TRIM39: variants seen among roughly 807,000 people sequenced by gnomAD.
The protein encoded by TRIM39 is E3 ubiquitin-protein ligase TRIM39.
In TRIM39, 5 loss-of-function variants were observed where a neutral mutation model predicts 53.6. That is an observed-to-expected ratio of 0.09 (90% confidence interval 0.05 to 0.20). The LOEUF (loss-of-function observed/expected upper bound fraction) is 0.20, where lower values mean the gene tolerates loss of function less well. TRIM39 is among the 10% of genes least tolerant of loss of function. The probability of loss-of-function intolerance (pLI) is 1.00; values close to 1 mark genes in which losing one functional copy is unlikely to be tolerated. For missense variants in TRIM39, 310 were observed against 621.0 expected, an observed-to-expected ratio of 0.50 and a Z score of 5.32; for synonymous variants, 196 against 237.6, an observed-to-expected ratio of 0.82 and a Z score of 1.61.
intron 4 of TRIM39, among the ~76,000 whole-genome samples, chr6:30,331,286 A>AAC (rs28383819): frequency 0.017 from 361 of 21,476 alleles, 1 homozygote; most frequent in East Asian, 0.11. Flanking sequence ...CAAAAAAAAC[A>AAC]AACAAAAAAA....
exon 3 of TRIM39, chr6:30,329,735 G>A (rs376721046): frequency 3.4e-5 from 55 of 1,612,904 alleles, no homozygotes; most frequent in South Asian, 4.4e-5. Flanking sequence ...GGCCCACACC[G>A]TTGTGCCACT....
Position 30,337,190 on chromosome 6 carries a change from G to T in TRIM39, c.780+1215G>T, listed in dbSNP as rs753701133. Among the ~76,000 whole-genome samples the T allele has an allele frequency of 1.0e-3, 157 of 152,142 alleles. 3 individuals are homozygous for T. Among genetic ancestry groups the T allele is most frequent in the Admixed American group, 1.2e-3 (19 of 15,272 alleles). On this transcript the variant is annotated intron_variant, in intron 5 of 7. Coordinates refer to ENST00000396551, the Ensembl canonical transcript of TRIM39. ...GGCCAAGGCAGGTGGATCACCTGAG[G>T]TCAGGAGTTTGAGACCAGCCTGGCC...
At position 30,339,624 on chromosome 6, in the gene TRIM39, A is replaced by G. The variant is rs1254067002; in HGVS notation, c.781-284A>G. Among the ~76,000 whole-genome samples, 2 of 152,234 alleles carry G rather than the reference A, an allele frequency of 1.3e-5. No homozygotes were observed. The highest frequency in any genetic ancestry group is 2.9e-5 in the Non-Finnish European group (2 of 68,040). Reference sequence around the variant, plus strand: ...AGAATTGATACAATCCCTGTCCCTTATAGGGAGCTCCCAGCATCCTTGAGG... The same window carrying G: ...AGAATTGATACAATCCCTGTCCCTTGTAGGGAGCTCCCAGCATCCTTGAGG... On this transcript the variant is annotated intron_variant, in intron 5 of 7. Transcript: ENST00000396551. The surrounding 1 kb of genome is among the most constrained non-coding windows in gnomAD (Gnocchi z 4.2).
At chr6:30,333,158 A>G (rs1786402207) in intron 4 of TRIM39, among the ~76,000 whole-genome samples, 1 of 152,138 alleles carries the variant, frequency 6.6e-6, no homozygotes. Flanking sequence ...GAAATACCAT[A>G]AGTAGCTTAG....
At chr6:30,337,358 T>G (rs1298328800) in intron 5 of TRIM39, among the ~76,000 whole-genome samples, 1 of 152,036 alleles carries the variant, frequency 6.6e-6, no homozygotes, top group African/African-American at 2.4e-5. Flanking sequence ...TGAGCCAAGA[T>G]CATGCAGTTG....
chr6:30,339,853 TTCAGGACCA>T lies in TRIM39; in HGVS notation c.781-54_781-46del. Reference sequence around the variant, plus strand: ...TGGGGAGGAGGGGGAACCTTTTGCCTTCAGGACCACTGAATACCAGGACCAATATTGCTT... The same window carrying T: ...TGGGGAGGAGGGGGAACCTTTTGCCTCTGAATACCAGGACCAATATTGCTT... On this transcript the variant is annotated intron_variant, in intron 5 of 7. Coordinates refer to ENST00000396551, the Ensembl canonical transcript of TRIM39. The surrounding 1 kb of genome is among the most constrained non-coding windows in gnomAD (Gnocchi z 4.2). The T allele has an allele frequency of 5.0e-6, 8 of 1,612,966 alleles. No homozygotes were observed. Among genetic ancestry groups the T allele is most frequent in the Non-Finnish European group, 6.8e-6 (8 of 1,179,314 alleles).
chr6:30,340,392 G>A (rs768602039), intron 6 of TRIM39, 113 bp from the exon 7 acceptor site: 1 of 1,610,350 alleles, frequency 6.2e-7, no homozygotes, highest in Non-Finnish European at 8.5e-7. Flanking sequence ...GAAGAAAGTG[G>A]GAAGATGGAG....
chr6:30,330,946 A>G, intron 4 of TRIM39, 70 bp downstream of exon 4: 2 of 1,533,358 alleles, frequency 1.3e-6, no homozygotes, highest in Non-Finnish European at 1.8e-6. Context: ...ACTGTACACT[A>G]TTTAATCCAC....
At position 30,335,295 on chromosome 6, in the gene TRIM39, T is replaced by TTCTTTCTGTCTTTG. The variant is rs1241418244; in HGVS notation, c.550-436_550-423dup. Among the ~76,000 whole-genome samples the TTCTTTCTGTCTTTG allele has an allele frequency of 6.6e-5, 10 of 152,156 alleles. No homozygotes were observed. The highest frequency in any genetic ancestry group is 2.4e-4 in the African/African-American group (10 of 41,430). The stretch of plus-strand genomic sequence containing the variant: ...TTTTCTCTCATTTTCTTTCTTTCTT[T>TTCTTTCTGTCTTTG]TCTTTCTGTCTTTGTCTTTCTGTCT... On this transcript the variant is annotated intron_variant, in intron 4 of 7. Transcript: ENST00000396551. This position sits in a 1 kb window ranked among gnomAD's most constrained non-coding sequence, Gnocchi z 4.7.
intron 1 of TRIM39, 146 bp downstream of exon 1, chr6:30,327,141 A>T (rs1443395118): frequency 6.6e-6 from 1 of 152,388 alleles, no homozygotes; most frequent in Non-Finnish European, 1.5e-5. Context: ...GCCCGGGCGG[A>T]CGTTTTGCCG....
At chr6:30,328,618 T>C (rs1581997176) in intron 1 of TRIM39, among the ~76,000 whole-genome samples, 1 of 152,138 alleles carries the variant, frequency 6.6e-6, no homozygotes, top group Non-Finnish European at 1.5e-5. Flanking sequence ...GTGGTGGTGA[T>C]AGAACAAAAG....
rs1288688183 is a variant in TRIM39 at position 30,335,386 on chromosome 6, A to AT, written c.550-356dup. Among the ~76,000 whole-genome samples the AT allele has an allele frequency of 6.6e-6, 1 of 151,912 alleles. No individual in the cohort carries two copies. Among genetic ancestry groups the AT allele is most frequent in the African/African-American group, 2.4e-5 (1 of 41,344 alleles). ...CAAGCTGGAGTGCAATGGTGCAACA[A>AT]TTTCAGCTTACTCCAACCTCTGCCT... On this transcript the variant is annotated intron_variant, in intron 4 of 7. Coordinates refer to ENST00000396551, the Ensembl canonical transcript of TRIM39. The surrounding 1 kb of genome is among the most constrained non-coding windows in gnomAD (Gnocchi z 4.7).
chr6:30,334,586 T>C (rs1226903018), intron 4 of TRIM39, among the ~76,000 whole-genome samples: 1 of 152,248 alleles, frequency 6.6e-6, no homozygotes, highest in Non-Finnish European at 1.5e-5. Context: ...AATCTACATA[T>C]GTATATTTTA....
chr6:30,334,608 A>G (rs1289501318), intron 4 of TRIM39, among the ~76,000 whole-genome samples: 1 of 152,228 alleles, frequency 6.6e-6, no homozygotes, highest in Non-Finnish European at 1.5e-5. Context: ...AATAACCCAT[A>G]TAACTCTTAC....
At chr6:30,333,985 G>C (rs1293661480) in intron 4 of TRIM39, among the ~76,000 whole-genome samples, 1 of 151,942 alleles carries the variant, frequency 6.6e-6, no homozygotes, top group African/African-American at 2.4e-5. Context: ...ACACATGCAT[G>C]CACACACATG....
chr6:30,341,965 T>C (rs761019156), exon 8 of TRIM39: 19 of 1,612,882 alleles, frequency 1.2e-5, no homozygotes, highest in Non-Finnish European at 1.4e-5. Flanking sequence ...GCGAGTTGAC[T>C]CCACTCCCTG....
At chr6:30,328,688 A>G (rs1785727548) in intron 1 of TRIM39, among the ~76,000 whole-genome samples, 1 of 151,580 alleles carries the variant, frequency 6.6e-6, no homozygotes, top group African/African-American at 2.4e-5. Flanking sequence ...AATGTATTTT[A>G]TGTCTGGCCC....
At chr6:30,340,179 T>C in intron 6 of TRIM39, 4 of 1,192,790 alleles carry the variant, frequency 3.4e-6, no homozygotes, top group Non-Finnish European at 5.0e-6. Context: ...AGATTCTACT[T>C]GTGCCAGTGG....
At position 30,340,628 on chromosome 6, in the gene TRIM39, G is replaced by T; in HGVS notation, c.919+8G>T. On this transcript the variant is annotated splice_region_variant and intron_variant, in intron 7 of 7. Coordinates refer to ENST00000396551, the Ensembl canonical transcript of TRIM39. ...TCCTTAAACAGCTAATTGGTGAGTTGTTCCCAAAAGGAAACTAGAAGAAAC... is the reference window on the plus strand; with the variant it reads ...TCCTTAAACAGCTAATTGGTGAGTTTTTCCCAAAAGGAAACTAGAAGAAAC... 6.2e-7 allele frequency: 1 copy of T among 1,606,654 alleles called. No individual in the cohort carries two copies. The highest frequency in any genetic ancestry group is 1.3e-5 in the African/African-American group (1 of 74,444).
Sources: allele counts gnomAD v4.1 joint callset (sites outside exome capture counted in the v4.1 genomes callset), GRCh38; gene constraint gnomAD v4.1.1; non-coding constraint Gnocchi (gnomAD v3.1); transcripts MANE v1.5; gene names NCBI Gene and HGNC (gene_info 2026-07-23, HGNC 2026-07-21).